USP32: variants seen among roughly 807,000 people sequenced by gnomAD.
USP32 encodes ubiquitin specific peptidase 32.
Under a neutral mutation model 204.8 loss-of-function variants are expected in USP32, and 59 were observed. The ratio of observed to expected loss-of-function variants is 0.29; its 90% CI spans 0.23 to 0.36. USP32 has a LOEUF of 0.36. Ranked by LOEUF, USP32 falls within the 10% of genes least tolerant of loss-of-function variation. The pLI is 1.00. For synonymous variants in USP32, 517 were observed against 678.4 expected, an observed-to-expected ratio of 0.76 and a Z score of 3.70; for missense variants, 1,160 against 1,946.4, an observed-to-expected ratio of 0.60 and a Z score of 7.60.
Position 60,345,665 on chromosome 17 carries a change from T to G in USP32, c.59-57A>C. The G allele has an allele frequency of 1.9e-6, 3 of 1,609,820 alleles. No individual in the cohort carries two copies. In the Admixed American group the frequency reaches 5.0e-5, roughly 27 times the overall value. On this transcript the variant is annotated intron_variant, in intron 1 of 33. Transcript: ENST00000300896. ...ATCAGGAGAGAAAAGAGGTGTCTCATAATTTTTTTCAACCTGGCTCCTAAG... is the reference window on the plus strand; with the variant it reads ...ATCAGGAGAGAAAAGAGGTGTCTCAGAATTTTTTTCAACCTGGCTCCTAAG...
At chr17:60,221,983 C>T (rs1481396135) in intron 15 of USP32, among the ~76,000 whole-genome samples, 2 of 152,150 alleles carry the variant, frequency 1.3e-5, no homozygotes, top group Admixed American at 6.5e-5. Context: ...GCCCCTCCTT[C>T]AAAAACATAA....
intron 2 of USP32, among the ~76,000 whole-genome samples, chr17:60,323,830 C>T (rs2088168734): frequency 6.6e-6 from 1 of 152,144 alleles, no homozygotes; most frequent in Non-Finnish European, 1.5e-5. Context: ...GTATTATATG[C>T]TTTACTGTTT....
At chr17:60,191,548 C>T (rs940247046) in intron 28 of USP32, among the ~76,000 whole-genome samples, 8 of 150,944 alleles carry the variant, frequency 5.3e-5, no homozygotes, top group African/African-American at 1.5e-4. Flanking sequence ...CTTGCTCTGT[C>T]GCCCAGGCTG....
chr17:60,344,269 CA>C (rs929729507), intron 2 of USP32, among the ~76,000 whole-genome samples: 3 of 147,672 alleles, frequency 2.0e-5, no homozygotes, highest in African/African-American at 7.5e-5. Context: ...GCTGGGATTA[CA>C]GGCACCCGCC....
chr17:60,193,929 A>C (rs924339730), intron 27 of USP32, among the ~76,000 whole-genome samples: 3 of 152,242 alleles, frequency 2.0e-5, no homozygotes, highest in African/African-American at 7.2e-5. Context: ...TAAAACAGTC[A>C]AGTAGCACTC....
intron 1 of USP32, among the ~76,000 whole-genome samples, chr17:60,397,788 C>A (rs1221338008): frequency 2.6e-5 from 4 of 151,798 alleles, no homozygotes; most frequent in Admixed American, 2.0e-4. Flanking sequence ...TCCTGATACT[C>A]AAAAAAAATT....
At chr17:60,338,407 C>T (rs1004471278) in intron 2 of USP32, among the ~76,000 whole-genome samples, 1 of 151,954 alleles carries the variant, frequency 6.6e-6, no homozygotes, top group African/African-American at 2.4e-5. Flanking sequence ...GGAGGTGGCA[C>T]CCTAAAGAAA....
chr17:60,375,796 C>T (rs1043482906), intron 1 of USP32, among the ~76,000 whole-genome samples: 3 of 151,992 alleles, frequency 2.0e-5, no homozygotes, highest in Non-Finnish European at 2.9e-5. Flanking sequence ...TTAGTAGAGA[C>T]GAGGTTTCAC....
chr17:60,193,313 C>T lies in USP32; in HGVS notation c.3435-383G>A, dbSNP rs535505075. On this transcript the variant is annotated intron_variant, in intron 27 of 33. Transcript: ENST00000300896. ...ATTAGATCTTTCCATGACAAGAACACCGACACATTGCAGAAAGCTGTATAT... is the reference window on the plus strand; with the variant it reads ...ATTAGATCTTTCCATGACAAGAACATCGACACATTGCAGAAAGCTGTATAT... Among the ~76,000 whole-genome samples, 123 of 152,308 alleles carry T rather than the reference C, an allele frequency of 8.1e-4. 1 individual carries two copies. Among genetic ancestry groups the T allele is most frequent in the African/African-American group, 2.9e-3 (122 of 41,570 alleles).
At chr17:60,257,612 C>T (rs1357991135) in intron 9 of USP32, among the ~76,000 whole-genome samples, 1 of 152,118 alleles carries the variant, frequency 6.6e-6, no homozygotes, top group African/African-American at 2.4e-5. Flanking sequence ...GCCTCAGCCT[C>T]CTGACTACAG....
At chr17:60,374,788 T>C (rs1292164002) in intron 1 of USP32, among the ~76,000 whole-genome samples, 2 of 152,212 alleles carry the variant, frequency 1.3e-5, no homozygotes, top group African/African-American at 4.8e-5. Context: ...GGCTACGATG[T>C]CACTAGGCAA....
At position 60,399,900 on chromosome 17, in the gene USP32, T is replaced by C. The variant is rs75603087; in HGVS notation, c.106+22346A>G. Among the ~76,000 whole-genome samples, 1,442 of 152,208 alleles carry C rather than the reference T, an allele frequency of 9.5e-3. 32 individuals are homozygous for C. Among genetic ancestry groups the C allele is most frequent in the African/African-American group, 0.033 (1,388 of 41,548 alleles). On this transcript the variant is annotated intron_variant, in intron 1 of 3. Coordinates refer to the USP32 transcript ENST00000588898. ...AGAAGGGGATGGGATCAAATCCTCT[T>C]TACAGACTTTGGCTCTTGCTCGTAA...
chr17:60,317,674 G>C lies in USP32; in HGVS notation c.187-15970C>G, dbSNP rs79113768. ...CTACAAAATATTCAAGAATTAGCTA[G>C]GTGTAGTGCCATGCACCCATAGTTC... On this transcript the variant is annotated intron_variant, in intron 2 of 33. Transcript: ENST00000300896. Among the ~76,000 whole-genome samples the C allele has an allele frequency of 1.2e-4, 19 of 152,160 alleles. No individual in the cohort carries two copies. In the East Asian group the frequency reaches 3.7e-3, roughly 29 times the overall value.
At chr17:60,323,786 T>C (rs1431408097) in intron 2 of USP32, among the ~76,000 whole-genome samples, 2 of 152,224 alleles carry the variant, frequency 1.3e-5, no homozygotes, top group East Asian at 3.8e-4. Flanking sequence ...GAAGGAAGAC[T>C]GGAAAAGTAG....
chr17:60,411,261 T>C (rs1490929984), intron 1 of USP32, among the ~76,000 whole-genome samples: 3 of 151,186 alleles, frequency 2.0e-5, no homozygotes, highest in Admixed American at 2.0e-4. Context: ...GAGGTGGAGG[T>C]TGCGGTGAGC....
intron 1 of USP32, among the ~76,000 whole-genome samples, chr17:60,381,771 C>G (rs1016391004): frequency 2.0e-5 from 3 of 152,146 alleles, no homozygotes; most frequent in African/African-American, 7.2e-5. Flanking sequence ...ACAAATCTTA[C>G]TATATAGCTT....
chr17:60,223,649 G>A, intron 13 of USP32, 63 bp from the exon 14 acceptor site: 1 of 1,419,518 alleles, frequency 7.0e-7, no homozygotes. Context: ...CAGGCTTGAG[G>A]ATATGAACTC....
At chr17:60,391,817 A>C in intron 1 of USP32, 65 bp downstream of exon 1, 1 of 1,516,034 alleles carries the variant, frequency 6.6e-7, no homozygotes, top group African/African-American at 1.4e-5. Flanking sequence ...CCTCCCGGTT[A>C]CCCACCCTCC....
chr17:60,266,177 T>C (rs1424089148), intron 7 of USP32, 86 bp from the exon 8 acceptor site: 2 of 1,000,402 alleles, frequency 2.0e-6, no homozygotes, highest in African/African-American at 3.2e-5. Context: ...CTTGTATAAT[T>C]ACTTAGTTTT....
Sources: allele counts gnomAD v4.1 joint callset (sites outside exome capture counted in the v4.1 genomes callset), GRCh38; gene constraint gnomAD v4.1.1; transcripts MANE v1.5; gene names NCBI Gene and HGNC (gene_info 2026-07-23, HGNC 2026-07-21).